The following LRRC4C variants were observed in gnomAD, a reference collection of about 807,000 sequenced individuals.
The protein encoded by LRRC4C is leucine-rich repeat-containing protein 4C.
In LRRC4C, 5 loss-of-function variants were observed where a neutral mutation model predicts 33.6. The ratio of observed to expected loss-of-function variants is 0.15; its 90% CI spans 0.08 to 0.31. The LOEUF (loss-of-function observed/expected upper bound fraction) is 0.31, where lower values mean the gene tolerates loss of function less well. Among genes scored for constraint, LRRC4C ranks in the 10% least tolerant of loss-of-function variants. The probability of loss-of-function intolerance (pLI) is 1.00; values close to 1 mark genes in which losing one functional copy is unlikely to be tolerated. For synonymous variants in LRRC4C, 329 were observed against 302.0 expected, an observed-to-expected ratio of 1.09 and a Z score of -0.93; for missense variants, 560 against 796.7, an observed-to-expected ratio of 0.70 and a Z score of 3.58.
At chr11:40,316,041 C>T (rs1945556737) in intron 4 of LRRC4C, among the ~76,000 whole-genome samples, 1 of 151,968 alleles carries the variant, frequency 6.6e-6, no homozygotes, top group South Asian at 2.1e-4. Context: ...GATCTAATAA[C>T]TATTTTAGCC....
intron 3 of LRRC4C, among the ~76,000 whole-genome samples, chr11:40,449,267 A>T (rs1951781869): frequency 6.6e-6 from 1 of 151,638 alleles, no homozygotes; most frequent in East Asian, 1.9e-4. Context: ...TCTTCTAAAC[A>T]TTGGGGTATT....
At chr11:40,907,233 G>C (rs1312591208) in intron 2 of LRRC4C, among the ~76,000 whole-genome samples, 1 of 152,176 alleles carries the variant, frequency 6.6e-6, no homozygotes, top group Non-Finnish European at 1.5e-5. Context: ...AGCTAAAATA[G>C]CTAGCCCTTG....
intron 3 of LRRC4C, among the ~76,000 whole-genome samples, chr11:40,495,967 T>A (rs1590915641): frequency 6.6e-6 from 1 of 151,864 alleles, no homozygotes; most frequent in African/African-American, 2.4e-5. Context: ...GTAGCTGGGA[T>A]AACAGGCAAG....
chr11:40,249,271 G>A (rs755086494), intron 4 of LRRC4C, among the ~76,000 whole-genome samples: 3 of 152,010 alleles, frequency 2.0e-5, no homozygotes, highest in Non-Finnish European at 2.9e-5. Context: ...CCTGAGAGGC[G>A]GAGGTTGCAG....
At chr11:40,133,167 C>A (rs1175834019) in intron 6 of LRRC4C, among the ~76,000 whole-genome samples, 2 of 152,170 alleles carry the variant, frequency 1.3e-5, no homozygotes, top group South Asian at 2.1e-4. Context: ...TAACCCCCAA[C>A]TTCTCATTAA....
At chr11:40,809,008 C>T (rs536615380) in intron 2 of LRRC4C, among the ~76,000 whole-genome samples, 4 of 152,168 alleles carry the variant, frequency 2.6e-5, no homozygotes, top group Non-Finnish European at 5.9e-5. Flanking sequence ...TTATTCCTCT[C>T]TGATGCTCAC....
intron 1 of LRRC4C, among the ~76,000 whole-genome samples, chr11:41,262,014 A>G (rs960129811): frequency 6.6e-5 from 10 of 152,132 alleles, no homozygotes; most frequent in African/African-American, 2.4e-4. Flanking sequence ...CCAAAGGTTA[A>G]AAATAAAATC....
chr11:41,075,014 C>CAATGAAACCACA (rs1565359298), intron 1 of LRRC4C, among the ~76,000 whole-genome samples: 3 of 101,022 alleles, frequency 3.0e-5, no homozygotes, highest in Admixed American at 9.6e-5. Context: ...CTTCAATTTT[C>CAATGAAACCACA]TTTTTTTTTT....
At chr11:41,330,681 C>A (rs1175356616) in intron 1 of LRRC4C, among the ~76,000 whole-genome samples, 2 of 152,110 alleles carry the variant, frequency 1.3e-5, no homozygotes, top group East Asian at 3.9e-4. Flanking sequence ...AAGCCATCCT[C>A]CCACCTCAGC....
chr11:41,213,344 A>G (rs1038550238), intron 1 of LRRC4C, among the ~76,000 whole-genome samples: 5 of 152,222 alleles, frequency 3.3e-5, no homozygotes, highest in Admixed American at 6.5e-5. Context: ...GGAGAAATGG[A>G]CATTAATGCC....
chr11:41,187,315 G>A (rs774073321), intron 1 of LRRC4C, among the ~76,000 whole-genome samples: 2 of 152,190 alleles, frequency 1.3e-5, no homozygotes, highest in Non-Finnish European at 2.9e-5. Context: ...ACAAGTGTCT[G>A]GACGTTGAGA....
intron 1 of LRRC4C, among the ~76,000 whole-genome samples, chr11:41,132,778 T>G (rs920705085): frequency 6.6e-6 from 1 of 152,174 alleles, no homozygotes; most frequent in Non-Finnish European, 1.5e-5. Flanking sequence ...AAATTAATCT[T>G]CTTTTATTAA....
chr11:41,073,783 T>A (rs1459747575), intron 1 of LRRC4C, among the ~76,000 whole-genome samples: 4 of 152,188 alleles, frequency 2.6e-5, no homozygotes, highest in Non-Finnish European at 5.9e-5. Context: ...ATTACATCAA[T>A]TTTTTGTTAT....
At chr11:40,898,088 C>T (rs1956031685) in intron 2 of LRRC4C, among the ~76,000 whole-genome samples, 1 of 152,074 alleles carries the variant, frequency 6.6e-6, no homozygotes, top group South Asian at 2.1e-4. Context: ...GGTGCGGTGG[C>T]TTACGCCTGT....
chr11:41,301,458 T>C (rs1318748292), intron 1 of LRRC4C, among the ~76,000 whole-genome samples: 1 of 152,168 alleles, frequency 6.6e-6, no homozygotes, highest in East Asian at 1.9e-4. Flanking sequence ...GAGTTTTGTA[T>C]TTAAATTGCC....
chr11:40,688,671 T>C (rs1945080101), intron 2 of LRRC4C, among the ~76,000 whole-genome samples: 2 of 151,802 alleles, frequency 1.3e-5, no homozygotes, highest in African/African-American at 4.8e-5. Context: ...GTCAGAGGGG[T>C]GAAATGCTGT....
chr11:40,921,518 T>C (rs112598417), intron 2 of LRRC4C, among the ~76,000 whole-genome samples: 28 of 152,210 alleles, frequency 1.8e-4, no homozygotes, highest in African/African-American at 6.7e-4. Context: ...AAGAAGAGAA[T>C]GCAGTCCTCT....
At chr11:40,915,321 C>G (rs1956903378) in intron 2 of LRRC4C, among the ~76,000 whole-genome samples, 1 of 152,154 alleles carries the variant, frequency 6.6e-6, no homozygotes, top group Non-Finnish European at 1.5e-5. Context: ...GTAACCAAAA[C>G]AGCATGGTAC....
At chr11:40,151,237 T>C (rs1858179748) in intron 5 of LRRC4C, among the ~76,000 whole-genome samples, 1 of 152,354 alleles carries the variant, frequency 6.6e-6, no homozygotes, top group Admixed American at 6.5e-5. Flanking sequence ...TGCAGTTTCC[T>C]GAGGCATCCA....
Sources: gnomAD v4.1 joint callset for allele counts (sites outside exome capture counted in the v4.1 genomes callset) on GRCh38, gnomAD v4.1.1 for gene constraint, MANE v1.5 for transcripts, NCBI Gene and HGNC (gene_info 2026-07-23, HGNC 2026-07-21) for gene names.